Variants in PCNT observed in about 807,000 individuals in gnomAD.
PCNT encodes pericentrin, also known as kendrin.
A neutral mutation model predicts 380.4 loss-of-function variants in PCNT; 319 were observed. That is an observed-to-expected ratio of 0.84 (90% CI 0.77 to 0.92). The LOEUF is 0.92. PCNT is among the 40% of genes least tolerant of loss of function. PCNT has a pLI of 0.00. For missense variants in PCNT, 4,400 were observed against 4,255.3 expected (o/e 1.03, Z -0.95); for synonymous variants, 1,845 against 1,735.2 (o/e 1.06, Z -1.57).
In PCNT at chr21:46,402,408, C is replaced by A; in HGVS notation, c.5040C>A (p.Asn1680Lys). The A allele has an allele frequency of 1.2e-6, 2 of 1,613,424 alleles. No individual in the cohort carries two copies. Among genetic ancestry groups the A allele is most frequent in the Non-Finnish European group, 1.7e-6 (2 of 1,179,362 alleles). ...AAAATGAAGAAATACTACATCTGAACTTAAAATTGGACATGCAGAACAGCC... is the reference window on the plus strand; with the variant it reads ...AAAATGAAGAAATACTACATCTGAAATTAAAATTGGACATGCAGAACAGCC... Reference protein sequence around the residue: ...ESKNEEILHLNLKLDMQNSQT... With the variant: ...ESKNEEILHLKLKLDMQNSQT... Residue 1680 changes from asparagine to lysine, a missense_variant, in exon 27 of 47, where the codon AAC (asparagine) becomes AAA (lysine). Coordinates refer to ENST00000359568, the MANE Select transcript of PCNT (RefSeq NM_006031.6).
intron 14 of PCNT, among the ~76,000 whole-genome samples, chr21:46,365,395 C>T (rs2084874325): frequency 6.9e-6 from 1 of 145,670 alleles, no homozygotes; most frequent in Non-Finnish European, 1.5e-5. Flanking sequence ...CTGTTCACTG[C>T]CGTGGGGTTC....
intron 42 of PCNT, among the ~76,000 whole-genome samples, chr21:46,440,540 C>A (rs759777058): frequency 2.6e-5 from 4 of 152,228 alleles, no homozygotes; most frequent in Non-Finnish European, 4.4e-5. Flanking sequence ...ACGGTCCCCA[C>A]CCCGTGACGT....
rs1385950267 is a variant in PCNT, at chr21:46,411,817, C to T, written c.5744C>T (p.Ala1915Val). The T allele has an allele frequency of 1.0e-5, 16 of 1,577,892 alleles. No individual in the cohort carries two copies. The highest frequency in any genetic ancestry group is 4.6e-5 in the East Asian group (2 of 43,406). Residue 1915 changes from alanine to valine, a missense_variant, in exon 28 of 47, where the codon GCG (alanine) becomes GTG (valine). Physicochemically the swap from Ala to Val is moderately conservative, Grantham distance 64. Coordinates refer to ENST00000359568, the MANE Select transcript of PCNT (RefSeq NM_006031.6). ...CAGCAGCCCCTGGCAGCCGGGGCGG[C>T]GCCTCCCGAGCTGCAGTGGCTCCGA... ...LEQQPLAAGA[A>V]PPELQWLRAQ...
At position 46,356,918 on chromosome 21, in the gene PCNT, G is replaced by GC. The variant is rs1569191717; in HGVS notation, c.1937-55dup. ...GCCGTTCTGCCTGTGCGGACTGTGG[G>GC]CTCCATCGAGGGCCGGCACCGGCCT... is the stretch of plus-strand genomic sequence containing the variant. On this transcript the variant is annotated intron_variant, in intron 12 of 46. Coordinates refer to ENST00000359568, the MANE Select transcript of PCNT (RefSeq NM_006031.6). The GC allele has an allele frequency of 2.7e-6, 4 of 1,478,670 alleles. No homozygotes were observed. In the East Asian group the frequency reaches 9.0e-5, roughly 33 times the overall value. 91.6% of individuals were successfully genotyped at this position (1,478,670 alleles called of 1,614,324 possible). A position where few individuals can be genotyped will look rare whatever the true frequency, so the allele number is the denominator to read the frequency against.
At chr21:46,384,895 A>G (rs1049090446) in intron 16 of PCNT, among the ~76,000 whole-genome samples, 7 of 152,208 alleles carry the variant, frequency 4.6e-5, no homozygotes, top group African/African-American at 1.7e-4. Context: ...CAGTGGTGCA[A>G]GTGCATTCAT....
intron 20 of PCNT, 128 bp downstream of exon 20, chr21:46,390,960 G>C: frequency 8.0e-7 from 1 of 1,254,676 alleles, no homozygotes. Context: ...CAACATGGGA[G>C]GCACCCATGG....
intron 2 of PCNT, among the ~76,000 whole-genome samples, chr21:46,334,178 C>T (rs1815649345): frequency 6.7e-6 from 1 of 150,148 alleles, no homozygotes; most frequent in Non-Finnish European, 1.5e-5. Context: ...GCACTCCAGC[C>T]TGGGCGACAG....
At chr21:46,331,950 A>C (rs530880854) in intron 2 of PCNT, among the ~76,000 whole-genome samples, 1 of 152,318 alleles carries the variant, frequency 6.6e-6, no homozygotes, top group East Asian at 1.9e-4. Context: ...ACCTGAGGTC[A>C]GGAGTTCGAG....
chr21:46,392,495 G>A (rs1187860354), intron 21 of PCNT, among the ~76,000 whole-genome samples: 11 of 152,134 alleles, frequency 7.2e-5, no homozygotes, highest in African/African-American at 2.4e-4. Context: ...TGCTGGGATC[G>A]CAGGCGTGAG....
rs1324276556 is a variant in PCNT, at chr21:46,425,344, C to G, written c.7180-487C>G. 6.6e-6 allele frequency among the ~76,000 whole-genome samples: 1 copy of G among 152,256 alleles called. No homozygotes were observed. The highest frequency in any genetic ancestry group is 1.5e-5 in the Non-Finnish European group (1 of 68,046). ...CCCGTGCCCAGCACAGGCAGCTTCA[C>G]CCCACGCTGGTGGTCGGCACTGGCC... On this transcript the variant is annotated intron_variant, in intron 32 of 46. Transcript: ENST00000359568. This position sits in a 1 kb window ranked among gnomAD's most constrained non-coding sequence, Gnocchi z 4.2.
intron 44 of PCNT, 40 bp downstream of exon 44, chr21:46,442,613 CTT>C (rs1556009162): frequency 3.3e-6 from 4 of 1,230,592 alleles, no homozygotes; most frequent in Non-Finnish European, 4.8e-6. Context: ...ACTCACAAAC[CTT>C]TCTTTCTACT....
rs759613089 is a variant in PCNT at position 46,391,250 on chromosome 21, G to A, written c.4090G>A (p.Glu1364Lys). Residue 1364 changes from glutamate to lysine, a missense_variant, in exon 21 of 47, where the codon GAG (glutamate) becomes AAG (lysine). Physicochemically the swap from Glu to Lys is moderately conservative, Grantham distance 56. Transcript: ENST00000359568. Reference protein sequence around the residue: ...KEDSEHRLVLELESLRRQLQQ... With the variant: ...KEDSEHRLVLKLESLRRQLQQ... ...GGATTCCGAGCACCGTCTGGTGCTG[G>A]AGCTGGAGAGCCTGAGACGGCAGCT... 4 of 1,603,928 alleles carry A rather than the reference G, an allele frequency of 2.5e-6. No homozygotes were observed. Among genetic ancestry groups the A allele is most frequent in the Non-Finnish European group, 3.4e-6 (4 of 1,175,694 alleles).
At chr21:46,343,203 A>G (rs916531906) in intron 3 of PCNT, among the ~76,000 whole-genome samples, 3 of 152,092 alleles carry the variant, frequency 2.0e-5, no homozygotes, top group Non-Finnish European at 4.4e-5. Flanking sequence ...AGCAGTGGTG[A>G]AAGTGAGCAT....
rs745780173 is a variant in PCNT at position 46,416,586 on chromosome 21, C to T, written c.6668C>T (p.Ser2223Phe). ...CCGGTCGGGATGCTGGACCTGTCTT[C>T]CTGGAGCTCCCCTGAGGTCCTCAGG... ...KSPVGMLDLS[S>F]WSSPEVLRKD... is the part of the protein sequence containing the mutation. Residue 2223 changes from serine (S) to phenylalanine (F), a missense_variant, in exon 30 of 47, where the codon TCC becomes TTC. Ser to Phe is a radical substitution (Grantham distance 155, BLOSUM62 -2). Coordinates refer to ENST00000359568, the MANE Select transcript of PCNT (RefSeq NM_006031.6). 1 of 1,607,814 alleles carries T rather than the reference C, an allele frequency of 6.2e-7. No homozygotes were observed. The highest frequency in any genetic ancestry group is 1.1e-5 in the South Asian group (1 of 90,274).
In PCNT at chr21:46,399,843, C is replaced by T. The variant is rs371718018; in HGVS notation, c.4791+47C>T. On this transcript the variant is annotated intron_variant, in intron 25 of 46. Transcript: ENST00000359568. The stretch of plus-strand genomic sequence containing the variant: ...GTTGGGCACGTGGTGAGGTGTCCCG[C>T]AGGCATGGCTTCATCGCTGAGCTGG... 2.8e-5 allele frequency: 42 copies of T among 1,508,766 alleles called. 1 individual carries two copies. In the Middle Eastern group the frequency reaches 1.2e-3, roughly 43 times the overall value. The allele number at this position is 1,508,766 out of a possible 1,614,324, so 93.5% of individuals were successfully genotyped here.
rs1293753335 is a variant in PCNT, at chr21:46,388,990, T to G, written c.3607+106T>G. 1 of 1,480,144 alleles carries G rather than the reference T, an allele frequency of 6.8e-7. No individual in the cohort carries two copies. 91.7% of individuals were successfully genotyped at this position (1,480,144 alleles called of 1,614,324 possible). A position where few individuals can be genotyped will look rare whatever the true frequency, so the allele number is the denominator to read the frequency against. ...TATTGGGCGATGCCCTTGGGAGCAC[T>G]GCCGTCCTGGTTTCCTGCTAGTTTC... On this transcript the variant is annotated intron_variant, in intron 18 of 46. Transcript: ENST00000359568. The surrounding 1 kb of genome is among the most constrained non-coding windows in gnomAD (Gnocchi z 4.2).
Position 46,435,980 on chromosome 21 carries a change from C to G in PCNT, c.8828C>G (p.Ser2943Trp), listed in dbSNP as rs772297413. ...QLQQTVRDLESKDEVPGSRLH... is the reference protein window; with the variant it reads ...QLQQTVRDLEWKDEVPGSRLH... ...CAGCAGACAGTGAGAGACCTGGAGT[C>G]GAAGGACGAGGTGCCTGGCAGCCGC... Residue 2943 changes from serine to tryptophan, a missense_variant, in exon 39 of 47, where the codon TCG becomes TGG. Transcript: ENST00000359568. 2.5e-6 allele frequency: 4 copies of G among 1,614,072 alleles called. No homozygotes were observed. The highest frequency in any genetic ancestry group is 3.4e-6 in the Non-Finnish European group (4 of 1,180,036).
chr21:46,337,243 C>T (rs940988559), intron 3 of PCNT, among the ~76,000 whole-genome samples: 3 of 152,170 alleles, frequency 2.0e-5, no homozygotes, highest in African/African-American at 7.2e-5. Context: ...CCCCAAAGTG[C>T]TGGGATTACA....
In PCNT at chr21:46,432,162, AGCCCAGCG is replaced by A; in HGVS notation, c.8701_8708del (p.Pro2901CysfsTer24). ...GAGGAGGAGCGCGGAGGCCAGGCAG[AGCCCAGCG>A]GCTGCGGAGCAGTGGAGGAAGTGGC... is the stretch of plus-strand genomic sequence containing the variant. On this transcript the variant is annotated frameshift_variant, in exon 38 of 47. Coordinates refer to ENST00000359568, the MANE Select transcript of PCNT (RefSeq NM_006031.6). LOFTEE classifies it high-confidence loss of function. 6.2e-7 allele frequency: 1 copy of A among 1,613,558 alleles called. No homozygotes were observed. The highest frequency in any genetic ancestry group is 1.7e-4 in the Middle Eastern group (1 of 5,832).
Sources: gnomAD v4.1 joint callset for allele counts (sites outside exome capture counted in the v4.1 genomes callset) on GRCh38, gnomAD v4.1.1 for gene constraint, Gnocchi (gnomAD v3.1) non-coding constraint, MANE v1.5 for transcripts, NCBI Gene and HGNC (gene_info 2026-07-23, HGNC 2026-07-21) for gene names.